The following SLC26A11 variants were observed in gnomAD, a reference collection of about 807,000 sequenced individuals.
The protein encoded by SLC26A11 is sodium-independent sulfate anion transporter.
In SLC26A11, 58 loss-of-function variants were observed where a neutral mutation model predicts 62.2. The ratio of observed to expected loss-of-function variants is 0.93; its 90% CI spans 0.76 to 1.16. SLC26A11 has a LOEUF of 1.16. SLC26A11 is among the 50% of genes most tolerant of loss of function. The probability of loss-of-function intolerance (pLI) is 0.00; values close to 1 mark genes in which losing one functional copy is unlikely to be tolerated. For synonymous variants in SLC26A11, 411 were observed against 368.9 expected (o/e 1.11, Z -1.31); for missense variants, 790 against 794.3 (o/e 0.99, Z 0.06).
chr17:80,252,536 GGAA>G lies in SLC26A11; in HGVS notation c.1730-87_1730-85del, dbSNP rs1478429998. The G allele has an allele frequency of 7.9e-7, 1 of 1,263,368 alleles. No individual in the cohort carries two copies. The highest frequency in any genetic ancestry group is 1.1e-6 in the Non-Finnish European group (1 of 890,956). The allele number at this position is 1,263,368 out of a possible 1,614,324, so 78.3% of individuals were successfully genotyped here. The stretch of plus-strand genomic sequence containing the variant: ...CTTCCTGCACACCTTCCAGGACTCT[GGAA>G]GGCCCTCCTTAATCCCTTCCTGTGA... On this transcript the variant is annotated intron_variant, in intron 17 of 17. Coordinates refer to ENST00000361193, the MANE Select transcript of SLC26A11 (RefSeq NM_001166347.2). This position sits in a 1 kb window ranked among gnomAD's most constrained non-coding sequence, Gnocchi z 5.2.
Position 80,249,142 on chromosome 17 carries a change from C to A in SLC26A11, c.1523-12C>A. On this transcript the variant is annotated splice_polypyrimidine_tract_variant and intron_variant, in intron 15 of 17. Transcript: ENST00000361193. ...CTGGGTGGCGTGACCTGGCTCGGGC[C>A]TGTCTCCCCAGTGTCCCCGCCACGC... 6.2e-7 allele frequency: 1 copy of A among 1,602,692 alleles called. No homozygotes were observed.
At chr17:80,238,745 G>C (rs755167654) in intron 9 of SLC26A11, among the ~76,000 whole-genome samples, 35 of 152,084 alleles carry the variant, frequency 2.3e-4, no homozygotes, top group African/African-American at 7.7e-4. Flanking sequence ...GCCTAGCCCA[G>C]GCTGTGCCAG....
intron 7 of SLC26A11, among the ~76,000 whole-genome samples, chr17:80,235,016 A>T (rs1250766999): frequency 2.0e-5 from 3 of 151,782 alleles, no homozygotes; most frequent in African/African-American, 4.8e-5. Context: ...TGCCCAGCTA[A>T]TTTTTGTATT....
intron 6 of SLC26A11, 117 bp from the exon 7 acceptor site, chr17:80,227,701 C>T: frequency 7.0e-7 from 1 of 1,426,668 alleles, no homozygotes; most frequent in Non-Finnish European, 9.4e-7. Flanking sequence ...GCAGCCTGGG[C>T]ATTGGGCCTC....
At chr17:80,220,585 G>C in intron 1 of SLC26A11, 89 bp downstream of exon 1, 1 of 382,342 alleles carries the variant, frequency 2.6e-6, no homozygotes. Context: ...AGCCGACGCG[G>C]GGGCCAGCGC....
rs148525144 is a variant in SLC26A11, at chr17:80,246,160, C to T, written c.1104C>T (p.Ala368=). 77 of 1,613,214 alleles carry T rather than the reference C, an allele frequency of 4.8e-5. No homozygotes were observed. In the East Asian group the frequency reaches 1.1e-3, roughly 24 times the overall value. The change falls in exon 12 of 18, where the codon GCC becomes GCT. Residue 368 remains alanine (A), a synonymous_variant. Coordinates refer to ENST00000361193, the MANE Select transcript of SLC26A11 (RefSeq NM_001166347.2). This position sits in a 1 kb window ranked among gnomAD's most constrained non-coding sequence, Gnocchi z 4.4. ...TCTCTGTGTTGCCTTCCAGGACAGC[C>T]GTGAACGCTCAGTCGGGGGTGTGCA... The part of the protein sequence containing the change: ...YPVTGSFGRT[A]VNAQSGVCTP...
At chr17:80,249,480 C>T (rs1306912425) in intron 16 of SLC26A11, among the ~76,000 whole-genome samples, 193 bp downstream of exon 16, 3 of 152,206 alleles carry the variant, frequency 2.0e-5, no homozygotes, top group East Asian at 1.9e-4. Flanking sequence ...GAAGGGGGAG[C>T]GGTGGCCCCC....
At chr17:80,241,658 T>A in intron 9 of SLC26A11, 113 bp from the exon 10 acceptor site, 1 of 1,107,228 alleles carries the variant, frequency 9.0e-7, no homozygotes, top group South Asian at 1.3e-5. Context: ...ATTCTTAGAT[T>A]TACAAAACTT....
chr17:80,251,220 TGA>T (rs1369354311), intron 16 of SLC26A11, 107 bp from the exon 17 acceptor site: 14 of 1,606,256 alleles, frequency 8.7e-6, no homozygotes, highest in Non-Finnish European at 1.2e-5. Flanking sequence ...GGTATGGAGG[TGA>T]AGCCATACCT....
Position 80,246,449 on chromosome 17 carries a change from A to G in SLC26A11, c.1154-60A>G. The G allele has an allele frequency of 6.3e-7, 1 of 1,597,070 alleles. No individual in the cohort carries two copies. The highest frequency in any genetic ancestry group is 8.5e-7 in the Non-Finnish European group (1 of 1,176,916). On this transcript the variant is annotated intron_variant, in intron 12 of 17. Coordinates refer to ENST00000361193, the MANE Select transcript of SLC26A11 (RefSeq NM_001166347.2). This position sits in a 1 kb window ranked among gnomAD's most constrained non-coding sequence, Gnocchi z 4.4. ...GGGCTCTGCTGAACAAGAGGCTGCT[A>G]CGCTGCGTGCTGGGGGGACCCTGCA... is the stretch of plus-strand genomic sequence containing the variant.
In SLC26A11 at chr17:80,246,831, G is replaced by C. The variant is rs1346118120; in HGVS notation, c.1294+182G>C. Among the ~76,000 whole-genome samples, 1 of 152,212 alleles carries C rather than the reference G, an allele frequency of 6.6e-6. No homozygotes were observed. The highest frequency in any genetic ancestry group is 1.5e-5 in the Non-Finnish European group (1 of 68,040). ...GCCCCAGAGATGGTCCCGAGGCTCA[G>C]TGGGAAGAGCTGGAGCTCCTTGTCC... On this transcript the variant is annotated intron_variant, in intron 13 of 17. Transcript: ENST00000361193. This position sits in a 1 kb window ranked among gnomAD's most constrained non-coding sequence, Gnocchi z 4.4.
At chr17:80,220,560 G>A in intron 1 of SLC26A11, 64 bp downstream of exon 1, 4 of 402,972 alleles carry the variant, frequency 9.9e-6, no homozygotes, top group Non-Finnish European at 1.8e-5. Context: ...GACAGTGGCC[G>A]GGGTCGCCGG....
Position 80,228,517 on chromosome 17 carries a change from G to A in SLC26A11, c.736+557G>A, listed in dbSNP as rs1567949133. ...GCTGAGAACTGATGCATGGCCAGCTGTGGCCGTTCTCAACCTGAAGCAGTT... is the reference window on the plus strand; with the variant it reads ...GCTGAGAACTGATGCATGGCCAGCTATGGCCGTTCTCAACCTGAAGCAGTT... On this transcript the variant is annotated intron_variant, in intron 7 of 17. Transcript: ENST00000361193. The surrounding 1 kb of genome is among the most constrained non-coding windows in gnomAD (Gnocchi z 4.1). Among the ~76,000 whole-genome samples, 1 of 152,230 alleles carries A rather than the reference G, an allele frequency of 6.6e-6. No homozygotes were observed. Among genetic ancestry groups the A allele is most frequent in the Non-Finnish European group, 1.5e-5 (1 of 68,044 alleles).
intron 16 of SLC26A11, 128 bp downstream of exon 16, chr17:80,249,415 G>C: frequency 7.8e-7 from 1 of 1,284,170 alleles, no homozygotes; most frequent in Non-Finnish European, 1.1e-6. Flanking sequence ...TGCTGGCTCT[G>C]CTTCTGATTT....
chr17:80,239,220 C>T (rs1428429202), intron 9 of SLC26A11, among the ~76,000 whole-genome samples: 11 of 151,672 alleles, frequency 7.3e-5, no homozygotes, highest in Admixed American at 4.6e-4. Flanking sequence ...GCTGGGATTA[C>T]GGGTGCGCAC....
In SLC26A11 at chr17:80,246,411, C is replaced by T; in HGVS notation, c.1154-98C>T. The stretch of plus-strand genomic sequence containing the variant: ...TTGGCAGTCGTCGCCCTACCCCCAC[C>T]CCTGTCCCCAGTGGGCTCTGCTGAA... On this transcript the variant is annotated intron_variant, in intron 12 of 17. Transcript: ENST00000361193. The surrounding 1 kb of genome is among the most constrained non-coding windows in gnomAD (Gnocchi z 4.4). 6.5e-7 allele frequency: 1 copy of T among 1,538,430 alleles called. No homozygotes were observed. Among genetic ancestry groups the T allele is most frequent in the East Asian group, 2.3e-5 (1 of 44,014 alleles).
At position 80,249,248 on chromosome 17, in the gene SLC26A11, C is replaced by T. The variant is rs754802018; in HGVS notation, c.1617C>T (p.Phe539=). 1.2e-6 allele frequency: 2 copies of T among 1,611,618 alleles called. No individual in the cohort carries two copies. The highest frequency in any genetic ancestry group is 3.8e-4 in the Middle Eastern group (2 of 5,306). Reference sequence around the variant, plus strand: ...GACTCGGCGAGCTCCTCCAGGACTTCCAGAAGCAGGGCGTCGCCCTGGCCT... The same window carrying T: ...GACTCGGCGAGCTCCTCCAGGACTTTCAGAAGCAGGGCGTCGCCCTGGCCT... ...VLGLGELLQD[F]QKQGVALAFV... Residue 539 remains phenylalanine, a synonymous_variant, in exon 16 of 18, where the codon TTC becomes TTT. Transcript: ENST00000361193.
At position 80,223,253 on chromosome 17, in the gene SLC26A11, G is replaced by C. The variant is rs143824845; in HGVS notation, c.429G>C (p.Gly143=). The change falls in exon 5 of 18, where the codon GGG becomes GGC. Residue 143 remains glycine, a splice_region_variant and synonymous_variant. Transcript: ENST00000361193. The surrounding 1 kb of genome is among the most constrained non-coding windows in gnomAD (Gnocchi z 4.6). ...IQLAMGVLRL[G]FLLDFISYPV... is the part of the protein sequence containing the mutation. ...CGATGTCCCCTCTTGGCTGGCCAGG[G>C]TTCCTGCTGGACTTCATTTCCTACC... is the stretch of plus-strand genomic sequence containing the variant. 1.9e-6 allele frequency: 3 copies of C among 1,613,970 alleles called. No individual in the cohort carries two copies. Among genetic ancestry groups the C allele is most frequent in the Non-Finnish European group, 2.5e-6 (3 of 1,179,996 alleles).
In SLC26A11 at chr17:80,223,815, ATT is replaced by A. The variant is rs2042291102; in HGVS notation, c.513+481_513+482del. On this transcript the variant is annotated intron_variant, in intron 5 of 17. Coordinates refer to ENST00000361193, the MANE Select transcript of SLC26A11 (RefSeq NM_001166347.2). This position sits in a 1 kb window ranked among gnomAD's most constrained non-coding sequence, Gnocchi z 4.6. ...ATTTTTTAAATGCCATGCCTTTTAT[ATT>A]TTCTTTTAAAACATTTATAATAAGT... Among the ~76,000 whole-genome samples, 1 of 151,828 alleles carries A rather than the reference ATT, an allele frequency of 6.6e-6. No individual in the cohort carries two copies. Among genetic ancestry groups the A allele is most frequent in the South Asian group, 2.1e-4 (1 of 4,812 alleles).
Sources: gnomAD v4.1 joint callset for allele counts (sites outside exome capture counted in the v4.1 genomes callset) on GRCh38, gnomAD v4.1.1 for gene constraint, Gnocchi (gnomAD v3.1) non-coding constraint, MANE v1.5 for transcripts, NCBI Gene and HGNC (gene_info 2026-07-23, HGNC 2026-07-21) for gene names.